The following NRBP2 variants were observed in gnomAD, a reference collection of about 807,000 sequenced individuals.
The protein encoded by NRBP2 is nuclear receptor binding protein 2, also known as nuclear receptor-binding protein 2.
A neutral mutation model predicts 74.4 loss-of-function variants in NRBP2; 47 were observed. That is an observed-to-expected ratio of 0.63 (90% confidence interval 0.50 to 0.81). NRBP2 has a LOEUF of 0.81. Among genes scored for constraint, NRBP2 ranks in the 30% least tolerant of loss-of-function variants. NRBP2 has a pLI of 0.00. For synonymous variants in NRBP2, 312 were observed against 273.8 expected, an observed-to-expected ratio of 1.14 and a Z score of -1.38; for missense variants, 613 against 690.1, an observed-to-expected ratio of 0.89 and a Z score of 1.25.
chr8:143,831,651 A>G (rs1554650284), downstream of NRBP2, among the ~76,000 whole-genome samples: 1 of 152,222 alleles, frequency 6.6e-6, no homozygotes, highest in African/African-American at 2.4e-5. Context: ...ACAGAAGTCC[A>G]ACATCTAAAT....
At position 143,839,518 on chromosome 8, in the gene NRBP2, G is replaced by C. The variant is rs1563864462; in HGVS notation, c.476C>G (p.Ser159Cys). The C allele has an allele frequency of 1.3e-6, 2 of 1,533,266 alleles. No homozygotes were observed. Among genetic ancestry groups the C allele is most frequent in the Admixed American group, 2.0e-5 (1 of 50,942 alleles). The allele number at this position is 1,533,266 out of a possible 1,614,324, so 95.0% of individuals were successfully genotyped here. A position where few individuals can be genotyped will look rare whatever the true frequency, so the allele number is the denominator to read the frequency against. Reference sequence around the variant, plus strand: ...CAGCCCAGGCCCTCACCTGAGCGCAGACAGGATCTGCGTGCACCAGCGCTT... The same window carrying C: ...CAGCCCAGGCCCTCACCTGAGCGCACACAGGATCTGCGTGCACCAGCGCTT... ...AWKRWCTQIL[S>C]ALSFLHACSP... Residue 159 changes from serine to cysteine, a missense_variant, in exon 5 of 18, where the codon TCT becomes TGT. Ser to Cys is a moderately radical substitution (Grantham distance 112, BLOSUM62 -1). Transcript: ENST00000442628. The surrounding 1 kb of genome is among the most constrained non-coding windows in gnomAD (Gnocchi z 5.1).
Position 143,833,710 on chromosome 8 carries a change from CAG to C in NRBP2, c.*1950_*1951del, listed in dbSNP as rs2130510345. On this transcript the variant is annotated 3_prime_UTR_variant, in exon 18 of 18. Transcript: ENST00000442628. ...ATAAAATTTAAAAGGAAAAATTCAA[CAG>C]AGACATGATTAAGTGCAGCAATGGT... is the stretch of plus-strand genomic sequence containing the variant. The C allele has an allele frequency of 6.6e-6, 1 of 152,104 alleles. No homozygotes were observed. Among genetic ancestry groups the C allele is most frequent in the East Asian group, 1.9e-4 (1 of 5,184 alleles). 9.4% of individuals were successfully genotyped at this position (152,104 alleles called of 1,614,324 possible).
rs1554652357 is a variant in NRBP2, at chr8:143,837,767, G to A, written c.841-12C>T. On this transcript the variant is annotated splice_polypyrimidine_tract_variant and intron_variant, in intron 10 of 17. Transcript: ENST00000442628. The surrounding 1 kb of genome is among the most constrained non-coding windows in gnomAD (Gnocchi z 4.3). The stretch of plus-strand genomic sequence containing the variant: ...CAAAGGATGAACTCCTGGGGCACAG[G>A]GAGGAGAGGCTGGTGGTGTGCAAGG... 2 of 1,557,184 alleles carry A rather than the reference G, an allele frequency of 1.3e-6. No individual in the cohort carries two copies. The highest frequency in any genetic ancestry group is 4.7e-5 in the East Asian group (2 of 42,200).
chr8:143,831,834 G>GT (rs1211431705), downstream of NRBP2, among the ~76,000 whole-genome samples: 1 of 152,210 alleles, frequency 6.6e-6, no homozygotes, highest in Non-Finnish European at 1.5e-5. Flanking sequence ...GAGATCATAG[G>GT]TAAAGAGTCA....
At chr8:143,836,284 C>G (rs1482508786) in intron 14 of NRBP2, 104 bp from the exon 15 acceptor site, 1 of 1,402,496 alleles carries the variant, frequency 7.1e-7, no homozygotes, top group Non-Finnish European at 9.3e-7. Context: ...AGGGGGGAAT[C>G]TCTAAGAGGA....
In NRBP2 at chr8:143,838,661, G is replaced by A. The variant is rs1554652559; in HGVS notation, c.840+19C>T. 6.3e-7 allele frequency: 1 copy of A among 1,580,466 alleles called. No individual in the cohort carries two copies. ...GAGCACGGTGAGCCAGCTGGGGAGG[G>A]GCAGGGCAAGCTGCTTACCCGCATG... On this transcript the variant is annotated intron_variant, in intron 10 of 17. Coordinates refer to ENST00000442628, the MANE Select transcript of NRBP2 (RefSeq NM_178564.4).
chr8:143,833,365 G>A (rs967928592), downstream of NRBP2: 4 of 152,222 alleles, frequency 2.6e-5, no homozygotes, highest in African/African-American at 9.6e-5. Flanking sequence ...CTCCTGAGAC[G>A]TGTGGTAATG....
Position 143,839,702 on chromosome 8 carries a change from T to G in NRBP2, c.444+34A>C. On this transcript the variant is annotated intron_variant, in intron 4 of 17. Coordinates refer to ENST00000442628, the MANE Select transcript of NRBP2 (RefSeq NM_178564.4). This position sits in a 1 kb window ranked among gnomAD's most constrained non-coding sequence, Gnocchi z 5.1. ...CCCCGAGGCTGCCCCAACCCCGTCCTGTCCCCGTGGCTGCCCCAGCCCGCT... is the reference window on the plus strand; with the variant it reads ...CCCCGAGGCTGCCCCAACCCCGTCCGGTCCCCGTGGCTGCCCCAGCCCGCT... 1.3e-6 allele frequency: 2 copies of G among 1,533,400 alleles called. No individual in the cohort carries two copies. The highest frequency in any genetic ancestry group is 1.7e-6 in the Non-Finnish European group (2 of 1,145,976). 95.0% of individuals were successfully genotyped at this position (1,533,400 alleles called of 1,614,324 possible). A position where few individuals can be genotyped will look rare whatever the true frequency, so the allele number is the denominator to read the frequency against.
chr8:143,837,066 T>C lies in NRBP2; in HGVS notation c.1236A>G (p.Pro412=). Residue 412 remains proline (P), a synonymous_variant, in exon 14 of 18, where the codon CCA becomes CCG. Coordinates refer to ENST00000442628, the MANE Select transcript of NRBP2 (RefSeq NM_178564.4). The surrounding 1 kb of genome is among the most constrained non-coding windows in gnomAD (Gnocchi z 4.3). ...TTCTGGTCTCAGAGTCAAAGGGCTC[T>C]GGCGTCGGGGTCTTGGCCTTTTGGA... is the stretch of plus-strand genomic sequence containing the variant. ...EEVQKAKTPT[P]EPFDSETRKV... is the part of the protein sequence containing the mutation. 6.2e-7 allele frequency: 1 copy of C among 1,611,630 alleles called. No individual in the cohort carries two copies. The highest frequency in any genetic ancestry group is 8.5e-7 in the Non-Finnish European group (1 of 1,179,134).
chr8:143,835,588 C>A lies in NRBP2; in HGVS notation c.*74G>T. ...AGGCGCATGGAGGAGGGCAGCCCCA[C>A]GGTGCTGGAGTCTCCCCAACATGGC... is the stretch of plus-strand genomic sequence containing the variant. On this transcript the variant is annotated 3_prime_UTR_variant, in exon 18 of 18. Coordinates refer to ENST00000442628, the MANE Select transcript of NRBP2 (RefSeq NM_178564.4). This position sits in a 1 kb window ranked among gnomAD's most constrained non-coding sequence, Gnocchi z 4.9. The A allele has an allele frequency of 1.6e-6, 2 of 1,275,762 alleles. No homozygotes were observed. The highest frequency in any genetic ancestry group is 2.2e-6 in the Non-Finnish European group (2 of 923,672). 79.0% of individuals were successfully genotyped at this position (1,275,762 alleles called of 1,614,324 possible).
rs1586662321 is a variant in NRBP2 at position 143,839,430 on chromosome 8, G to A, written c.486-22C>T. On this transcript the variant is annotated intron_variant, in intron 5 of 17. Coordinates refer to ENST00000442628, the MANE Select transcript of NRBP2 (RefSeq NM_178564.4). This position sits in a 1 kb window ranked among gnomAD's most constrained non-coding sequence, Gnocchi z 5.1. ...GAAGCTGCAGACGTTGGGGAGGGGA[G>A]AGTAGGAGGAGCCGGTCAGGAGGCT... 6.5e-7 allele frequency: 1 copy of A among 1,544,936 alleles called. No individual in the cohort carries two copies. Among genetic ancestry groups the A allele is most frequent in the Non-Finnish European group, 8.7e-7 (1 of 1,152,150 alleles).
chr8:143,840,064 A>T lies in NRBP2; in HGVS notation c.253-34T>A, dbSNP rs1411403125. The T allele has an allele frequency of 6.5e-7, 1 of 1,536,010 alleles. No individual in the cohort carries two copies. The highest frequency in any genetic ancestry group is 8.7e-7 in the Non-Finnish European group (1 of 1,146,880). ...GGAGGGTGGTCGCTGGGTGGTCAGCAGGTGGTCACCCAAGCAGGATGAGGA... is the reference window on the plus strand; with the variant it reads ...GGAGGGTGGTCGCTGGGTGGTCAGCTGGTGGTCACCCAAGCAGGATGAGGA... On this transcript the variant is annotated intron_variant, in intron 2 of 17. Coordinates refer to ENST00000442628, the MANE Select transcript of NRBP2 (RefSeq NM_178564.4). The surrounding 1 kb of genome is among the most constrained non-coding windows in gnomAD (Gnocchi z 5.7).
intron 15 of NRBP2, 41 bp from the exon 16 acceptor site, chr8:143,836,071 C>CGTGG (rs782502240): frequency 6.3e-7 from 1 of 1,575,408 alleles, no homozygotes; most frequent in South Asian, 1.2e-5. Context: ...GGGTTCAGGG[C>CGTGG]TCCGCCACGC....
Position 143,838,943 on chromosome 8 carries a change from A to G in NRBP2, c.689-5T>C. On this transcript the variant is annotated splice_polypyrimidine_tract_variant and splice_region_variant and intron_variant, in intron 8 of 17. Transcript: ENST00000442628. Reference sequence around the variant, plus strand: ...CAGCGGTCCCATCGGCCACCTCTGAACAGAAGAGAGCACAGGACACGTAGG... The same window carrying G: ...CAGCGGTCCCATCGGCCACCTCTGAGCAGAAGAGAGCACAGGACACGTAGG... 1 of 1,602,978 alleles carries G rather than the reference A, an allele frequency of 6.2e-7. No individual in the cohort carries two copies. Among genetic ancestry groups the G allele is most frequent in the Non-Finnish European group, 8.5e-7 (1 of 1,174,622 alleles).
In NRBP2 at chr8:143,835,556, T is replaced by C; in HGVS notation, c.*106A>G. 1 of 960,368 alleles carries C rather than the reference T, an allele frequency of 1.0e-6. No individual in the cohort carries two copies. The highest frequency in any genetic ancestry group is 1.5e-6 in the Non-Finnish European group (1 of 647,734). 59.5% of individuals were successfully genotyped at this position (960,368 alleles called of 1,614,324 possible). A position where few individuals can be genotyped will look rare whatever the true frequency, so the allele number is the denominator to read the frequency against. On this transcript the variant is annotated 3_prime_UTR_variant, in exon 18 of 18. Coordinates refer to ENST00000442628, the MANE Select transcript of NRBP2 (RefSeq NM_178564.4). This position sits in a 1 kb window ranked among gnomAD's most constrained non-coding sequence, Gnocchi z 4.9. ...GGTTCCTTCACTACCGGGGCCTTTG[T>C]GCTCCCAGGCGCATGGAGGAGGGCA...
At position 143,840,286 on chromosome 8, in the gene NRBP2, G is replaced by C; in HGVS notation, c.130-57C>G. On this transcript the variant is annotated intron_variant, in intron 1 of 17. Transcript: ENST00000442628. This position sits in a 1 kb window ranked among gnomAD's most constrained non-coding sequence, Gnocchi z 5.7. The stretch of plus-strand genomic sequence containing the variant: ...GGTGTGTGTCAGGGTTGTGGGTGAG[G>C]ATTTGGTCCCTGTCCACACCTTTCC... 1 of 1,529,312 alleles carries C rather than the reference G, an allele frequency of 6.5e-7. No individual in the cohort carries two copies. The allele number at this position is 1,529,312 out of a possible 1,614,324, so 94.7% of individuals were successfully genotyped here.
intron 8 of NRBP2, 38 bp from the exon 9 acceptor site, chr8:143,838,976 C>G: frequency 1.3e-6 from 2 of 1,573,056 alleles, no homozygotes; most frequent in Non-Finnish European, 1.7e-6. Context: ...AGGAGAGAAG[C>G]GCAGGGTAGG....
Position 143,839,010 on chromosome 8 carries a change from C to T in NRBP2, c.688+7G>A, listed in dbSNP as rs1818562730. ...GGCACGGGGCACCCGGACCCAGCAC[C>T]ACTCACCTCCATACTCTGGGGGGAA... On this transcript the variant is annotated splice_region_variant and intron_variant, in intron 8 of 17. Transcript: ENST00000442628. The surrounding 1 kb of genome is among the most constrained non-coding windows in gnomAD (Gnocchi z 5.1). 1.9e-6 allele frequency: 3 copies of T among 1,549,266 alleles called. No homozygotes were observed. The highest frequency in any genetic ancestry group is 1.4e-5 in the African/African-American group (1 of 73,130).
rs1162511661 is a variant in NRBP2 at position 143,834,206 on chromosome 8, T to G, written c.*1456A>C. On this transcript the variant is annotated 3_prime_UTR_variant, in exon 18 of 18. Coordinates refer to ENST00000442628, the MANE Select transcript of NRBP2 (RefSeq NM_178564.4). ...GGGCCCAACCTAATCTCATGAGTCC[T>G]TAGGGACAACCTTTCCTGTCTGCAG... is the stretch of plus-strand genomic sequence containing the variant. 1 of 152,234 alleles carries G rather than the reference T, an allele frequency of 6.6e-6. No homozygotes were observed. The highest frequency in any genetic ancestry group is 1.9e-4 in the East Asian group (1 of 5,204). The allele number at this position is 152,234 out of a possible 1,614,324, so 9.4% of individuals were successfully genotyped here. A position where few individuals can be genotyped will look rare whatever the true frequency, so the allele number is the denominator to read the frequency against.
Sources: allele counts gnomAD v4.1 joint callset (sites outside exome capture counted in the v4.1 genomes callset), GRCh38; gene constraint gnomAD v4.1.1; non-coding constraint Gnocchi (gnomAD v3.1); transcripts MANE v1.5; gene names NCBI Gene and HGNC (gene_info 2026-07-23, HGNC 2026-07-21).